Variants in CSMD1 observed in about 807,000 individuals in gnomAD.
The protein encoded by CSMD1 is CUB and sushi domain-containing protein 1.
A neutral mutation model predicts 417.5 loss-of-function variants in CSMD1; 213 were observed. The ratio of observed to expected loss-of-function variants is 0.51; its 90% CI spans 0.46 to 0.57. CSMD1 has a LOEUF of 0.57. CSMD1 is among the 20% of genes least tolerant of loss of function. The pLI, the probability that CSMD1 is intolerant of heterozygous loss-of-function variation, is 0.00. For missense variants in CSMD1, 6,923 were observed against 4,529.7 expected, an observed-to-expected ratio of 1.53 and a Z score of -15.17; for synonymous variants, 2,862 against 1,736.8, an observed-to-expected ratio of 1.65 and a Z score of -16.11.
intron 23 of CSMD1, among the ~76,000 whole-genome samples, chr8:3,316,254 G>A (rs901595365): frequency 1.3e-5 from 2 of 152,134 alleles, no homozygotes; most frequent in Admixed American, 6.6e-5. Flanking sequence ...ACATCACCAT[G>A]TGCCCTGTGC....
At chr8:3,993,766 G>A (rs1814939968) in intron 5 of CSMD1, among the ~76,000 whole-genome samples, 1 of 152,190 alleles carries the variant, frequency 6.6e-6, no homozygotes, top group Non-Finnish European at 1.5e-5. Context: ...TATTATGGCT[G>A]ATGTTTTCCA....
intron 47 of CSMD1, among the ~76,000 whole-genome samples, chr8:3,094,172 C>T (rs755804556): frequency 6.6e-6 from 1 of 151,742 alleles, no homozygotes; most frequent in Non-Finnish European, 1.5e-5. Context: ...ATGGTACAAT[C>T]TCGGCTCTCT....
intron 1 of CSMD1, among the ~76,000 whole-genome samples, chr8:4,817,699 A>G (rs1223794000): frequency 6.6e-6 from 1 of 152,250 alleles, no homozygotes; most frequent in Non-Finnish European, 1.5e-5. Flanking sequence ...ATCACAATCA[A>G]TACTTTAAAT....
At chr8:4,038,437 A>G (rs750422837) in intron 3 of CSMD1, among the ~76,000 whole-genome samples, 9 of 152,278 alleles carry the variant, frequency 5.9e-5, no homozygotes, top group South Asian at 2.1e-4. Context: ...ACAGACACAA[A>G]TATTACCAAA....
intron 5 of CSMD1, among the ~76,000 whole-genome samples, chr8:3,961,689 A>G (rs1326126504): frequency 1.3e-5 from 2 of 152,222 alleles, no homozygotes; most frequent in Non-Finnish European, 2.9e-5. Context: ...CAAACTTCAA[A>G]AAAGAAAAAG....
intron 52 of CSMD1, among the ~76,000 whole-genome samples, chr8:3,015,611 T>C (rs975192877): frequency 2.0e-5 from 3 of 151,972 alleles, no homozygotes; most frequent in Non-Finnish European, 4.4e-5. Flanking sequence ...AAATTATATA[T>C]ATATATATCT....
chr8:2,983,223 G>T (rs1023022736), intron 54 of CSMD1, among the ~76,000 whole-genome samples: 2 of 151,518 alleles, frequency 1.3e-5, no homozygotes, highest in African/African-American at 4.9e-5. Context: ...GTCTTGCTCT[G>T]TCTCCCATGC....
At chr8:3,941,315 A>G (rs953200218) in intron 5 of CSMD1, among the ~76,000 whole-genome samples, 2 of 152,158 alleles carry the variant, frequency 1.3e-5, no homozygotes, top group Non-Finnish European at 2.9e-5. Context: ...CTCTGGAAAC[A>G]TCCTATGCCA....
At chr8:3,107,594 T>TTGTTTC in intron 45 of CSMD1, 124 bp downstream of exon 45, 1 of 337,050 alleles carries the variant, frequency 3.0e-6, no homozygotes, top group Non-Finnish European at 4.8e-6. Flanking sequence ...AGTTTGTTCT[T>TTGTTTC]TGTTTCTGTT....
At chr8:4,204,731 T>C (rs1799875680) in intron 3 of CSMD1, among the ~76,000 whole-genome samples, 2 of 152,312 alleles carry the variant, frequency 1.3e-5, no homozygotes, top group East Asian at 3.9e-4. Context: ...CATAGCTCAC[T>C]GCAGCCTCAA....
chr8:3,358,211 C>T (rs757128960), intron 21 of CSMD1, among the ~76,000 whole-genome samples: 3 of 152,186 alleles, frequency 2.0e-5, no homozygotes, highest in Non-Finnish European at 4.4e-5. Context: ...TAGTGTGGTT[C>T]GTATTCTGGA....
chr8:4,139,030 T>C (rs1019388551), intron 3 of CSMD1, among the ~76,000 whole-genome samples: 5 of 152,150 alleles, frequency 3.3e-5, no homozygotes, highest in African/African-American at 1.2e-4. Flanking sequence ...ATGCTGCATG[T>C]TTCAGCACCT....
intron 1 of CSMD1, among the ~76,000 whole-genome samples, chr8:4,846,585 C>G (rs1028402269): frequency 2.0e-5 from 3 of 152,148 alleles, no homozygotes; most frequent in Admixed American, 6.5e-5. Context: ...TTTCTACCCC[C>G]TGTAGGAGGC....
chr8:4,933,614 C>T (rs1276255605), intron 1 of CSMD1, among the ~76,000 whole-genome samples: 1 of 152,050 alleles, frequency 6.6e-6, no homozygotes, highest in Non-Finnish European at 1.5e-5. Flanking sequence ...CAAGTGCAGA[C>T]CCCACAACCA....
At chr8:4,461,891 C>G (rs1001521383) in intron 2 of CSMD1, among the ~76,000 whole-genome samples, 1 of 151,898 alleles carries the variant, frequency 6.6e-6, no homozygotes, top group Non-Finnish European at 1.5e-5. Context: ...CAGGAGCCCG[C>G]CACCACGCCC....
chr8:4,461,612 A>G (rs1316502245), intron 2 of CSMD1, among the ~76,000 whole-genome samples: 3 of 151,914 alleles, frequency 2.0e-5, no homozygotes, highest in East Asian at 1.9e-4. Flanking sequence ...ATGCAGTGGT[A>G]CAATCTCAGC....
chr8:3,999,193 T>A (rs372592085), intron 4 of CSMD1, among the ~76,000 whole-genome samples: 1 of 151,964 alleles, frequency 6.6e-6, no homozygotes, highest in Non-Finnish European at 1.5e-5. Flanking sequence ...ATACTTCCTA[T>A]CCATAATATA....
At chr8:4,007,730 A>T (rs1260903527) in intron 4 of CSMD1, among the ~76,000 whole-genome samples, 2 of 151,796 alleles carry the variant, frequency 1.3e-5, no homozygotes, top group Non-Finnish European at 2.9e-5. Flanking sequence ...GCTTTCCTAC[A>T]GTTATATCAG....
intron 2 of CSMD1, among the ~76,000 whole-genome samples, chr8:4,538,153 C>CCATGACTCCGGTGTAA (rs1398418419): frequency 5.9e-5 from 9 of 151,800 alleles, no homozygotes; most frequent in African/African-American, 9.7e-5. Context: ...CACAGGTATA[C>CCATGACTCCGGTGTAA]CATGACTCCG....
Sources: gnomAD v4.1 joint callset for allele counts (sites outside exome capture counted in the v4.1 genomes callset) on GRCh38, gnomAD v4.1.1 for gene constraint, MANE v1.5 for transcripts, NCBI Gene and HGNC (gene_info 2026-07-23, HGNC 2026-07-21) for gene names.